RANBP2: variants seen among roughly 807,000 people sequenced by gnomAD.
The protein encoded by RANBP2 is RAN binding protein 2, also known as E3 SUMO-protein ligase RanBP2.
RANBP2 carries 57 observed loss-of-function variants against 303.6 expected under a neutral mutation model. The observed-to-expected ratio is 0.19, with a 90% CI of 0.15 to 0.23. The LOEUF (loss-of-function observed/expected upper bound fraction) is 0.23. RANBP2 is among the 10% of genes least tolerant of loss of function. The pLI, the probability that RANBP2 is intolerant of heterozygous loss-of-function variation, is 1.00. For synonymous variants in RANBP2, 1,167 were observed against 1,301.5 expected, an observed-to-expected ratio of 0.90 and a Z score of 2.23; for missense variants, 3,138 against 3,780.8, an observed-to-expected ratio of 0.83 and a Z score of 4.46.
chr2:109,364,849 G>A, the RANBP2 span, among the ~76,000 whole-genome samples: 3 of 152,118 alleles, frequency 2.0e-5, no homozygotes, highest in African/African-American at 7.2e-5. Flanking sequence ...TCAGCACTTT[G>A]GGAGGCCAGT....
chr2:109,355,179 C>T, the RANBP2 span, among the ~76,000 whole-genome samples: 5 of 152,178 alleles, frequency 3.3e-5, no homozygotes, highest in Non-Finnish European at 7.3e-5. Context: ...TACGGGCCCA[C>T]AGTGAGTAAT....
At chr2:108,802,582 C>T in the RANBP2 span, among the ~76,000 whole-genome samples, 1 of 143,388 alleles carries the variant, frequency 7.0e-6, no homozygotes, top group Non-Finnish European at 1.5e-5. Context: ...CAAACAGGGA[C>T]AATTTGACTT....
the RANBP2 span, among the ~76,000 whole-genome samples, chr2:109,725,736 T>C: frequency 3.3e-5 from 5 of 152,166 alleles, no homozygotes; most frequent in South Asian, 1.0e-3. Flanking sequence ...ATCTTTTTTC[T>C]TTTTTTTCTT....
the RANBP2 span, among the ~76,000 whole-genome samples, chr2:109,566,553 T>TTG: frequency 1.3e-5 from 2 of 151,794 alleles, no homozygotes; most frequent in African/African-American, 2.4e-5. Context: ...TTCCTATTGT[T>TTG]TGTGTGTGTG....
At chr2:108,851,906 A>G in the RANBP2 span, among the ~76,000 whole-genome samples, 2 of 152,210 alleles carry the variant, frequency 1.3e-5, no homozygotes, top group Non-Finnish European at 1.5e-5. Flanking sequence ...CATATTAGTG[A>G]TGAGGTTTAC....
At chr2:109,109,445 C>A in the RANBP2 span, among the ~76,000 whole-genome samples, 1 of 152,044 alleles carries the variant, frequency 6.6e-6, no homozygotes, top group African/African-American at 2.4e-5. Context: ...TTTAAAATGG[C>A]TTTTGTATTT....
At chr2:109,060,449 T>C in the RANBP2 span, among the ~76,000 whole-genome samples, 1 of 152,190 alleles carries the variant, frequency 6.6e-6, no homozygotes, top group East Asian at 1.9e-4. Context: ...CCCCCCATTT[T>C]ACTAAACTGG....
At chr2:109,239,201 G>C in the RANBP2 span, among the ~76,000 whole-genome samples, 2 of 152,030 alleles carry the variant, frequency 1.3e-5, no homozygotes, top group African/African-American at 4.8e-5. Flanking sequence ...CCTGCACAGT[G>C]CTCCGAAAAG....
the RANBP2 span, chr2:108,930,237 A>T: frequency 1.4e-3 from 2,190 of 1,614,074 alleles, 21 homozygotes; most frequent in African/African-American, 0.026. Flanking sequence ...AGCACATCAG[A>T]GACACCTGCC....
chr2:108,958,275 G>T, the RANBP2 span, among the ~76,000 whole-genome samples: 11 of 152,228 alleles, frequency 7.2e-5, no homozygotes, highest in South Asian at 2.3e-3. Flanking sequence ...GTTGAGACTC[G>T]CCTGTTTTCA....
rs1229238498 is a variant in RANBP2, at chr2:108,735,534, A to C, written c.408A>C (p.Glu136Asp). The C allele has an allele frequency of 6.3e-7, 1 of 1,597,572 alleles. No homozygotes were observed. The highest frequency in any genetic ancestry group is 2.2e-5 in the East Asian group (1 of 44,880). Residue 136 changes from glutamate (E) to aspartate (D), a missense_variant and splice_region_variant, in exon 5 of 29, where the codon GAA (glutamate) becomes GAC (aspartate). Transcript: ENST00000283195. ...TTTTCTTTTTCCCCTCTAAATAGGA[A>C]CAGCTTCTAGATTGTGAAGGTGAAG... Reference protein sequence around the residue: ...PGSPAIYKLKEQLLDCEGEDG... With the variant: ...PGSPAIYKLKDQLLDCEGEDG...
the RANBP2 span, among the ~76,000 whole-genome samples, chr2:109,608,381 A>G: frequency 1.1e-4 from 16 of 152,192 alleles, no homozygotes; most frequent in African/African-American, 3.6e-4. Context: ...AGACAATAGG[A>G]CTTTCTTGCT....
At chr2:109,240,964 A>G in the RANBP2 span, among the ~76,000 whole-genome samples, 1 of 151,358 alleles carries the variant, frequency 6.6e-6, no homozygotes, top group East Asian at 1.9e-4. Context: ...TATAATCCAC[A>G]TCCAAACAAG....
chr2:109,366,370 C>G, the RANBP2 span, among the ~76,000 whole-genome samples: 1 of 152,270 alleles, frequency 6.6e-6, no homozygotes, highest in South Asian at 2.1e-4. Context: ...TCTATATGTA[C>G]TGTCACTAAA....
At chr2:109,273,228 G>C in the RANBP2 span, among the ~76,000 whole-genome samples, 35 of 152,334 alleles carry the variant, frequency 2.3e-4, no homozygotes, top group South Asian at 5.6e-3. Context: ...ACAGTCGTCT[G>C]TTCAGTGCTG....
At chr2:109,525,419 C>T in the RANBP2 span, among the ~76,000 whole-genome samples, 1 of 152,206 alleles carries the variant, frequency 6.6e-6, no homozygotes, top group Admixed American at 6.5e-5. Flanking sequence ...CCACCTTGGC[C>T]TCCCAAAGTG....
the RANBP2 span, among the ~76,000 whole-genome samples, chr2:109,296,116 G>C: frequency 1.3e-5 from 2 of 152,110 alleles, no homozygotes; most frequent in Admixed American, 6.5e-5. Flanking sequence ...TCCATTCACT[G>C]TTCTCTACGT....
the RANBP2 span, among the ~76,000 whole-genome samples, chr2:109,541,577 G>T: frequency 6.6e-6 from 1 of 152,168 alleles, no homozygotes; most frequent in South Asian, 2.1e-4. Flanking sequence ...ACTTTCCTGG[G>T]ATTTATAAAC....
At chr2:108,844,510 A>G in the RANBP2 span, among the ~76,000 whole-genome samples, 4 of 152,266 alleles carry the variant, frequency 2.6e-5, no homozygotes, top group South Asian at 2.1e-4. Context: ...TTGTCAGACA[A>G]TTCTAACATT....
Sources: gnomAD v4.1 joint callset for allele counts (sites outside exome capture counted in the v4.1 genomes callset) on GRCh38, gnomAD v4.1.1 for gene constraint, MANE v1.5 for transcripts, NCBI Gene and HGNC (gene_info 2026-07-23, HGNC 2026-07-21) for gene names.